Variants in CNTNAP5 observed in about 807,000 individuals in gnomAD.
CNTNAP5 encodes contactin associated protein family member 5, also known as contactin-associated protein-like 5.
CNTNAP5 carries 72 observed loss-of-function variants against 150.2 expected under a neutral mutation model. That is an observed-to-expected ratio of 0.48 (90% CI 0.40 to 0.58). The LOEUF (loss-of-function observed/expected upper bound fraction) is 0.58. CNTNAP5 is among the 20% of genes least tolerant of loss of function. The probability of loss-of-function intolerance (pLI) is 0.00; values close to 1 mark genes in which losing one functional copy is unlikely to be tolerated. For synonymous variants in CNTNAP5, 672 were observed against 619.8 expected (o/e 1.08, Z -1.25); for missense variants, 1,636 against 1,626.2 (o/e 1.01, Z -0.10).
intron 21 of CNTNAP5, among the ~76,000 whole-genome samples, chr2:124,878,044 C>T (rs1677895796): frequency 6.6e-6 from 1 of 152,018 alleles, no homozygotes; most frequent in Non-Finnish European, 1.5e-5. Context: ...GTCTGGATTC[C>T]AAGCTCCTAA....
At chr2:124,621,347 C>T (rs573327072) in intron 12 of CNTNAP5, among the ~76,000 whole-genome samples, 14 of 152,284 alleles carry the variant, frequency 9.2e-5, no homozygotes, top group South Asian at 4.1e-4. Flanking sequence ...AAGGAATTTG[C>T]AAGGAACATT....
chr2:124,055,904 C>G (rs974649555), intron 1 of CNTNAP5, among the ~76,000 whole-genome samples: 3 of 151,946 alleles, frequency 2.0e-5, no homozygotes, highest in Non-Finnish European at 4.4e-5. Flanking sequence ...TCAATTCCCT[C>G]TCCCGCACCA....
At chr2:124,256,719 A>G (rs1256500372) in intron 3 of CNTNAP5, among the ~76,000 whole-genome samples, 4 of 152,196 alleles carry the variant, frequency 2.6e-5, no homozygotes, top group Non-Finnish European at 4.4e-5. Flanking sequence ...TCAGAAGAAC[A>G]AAGTCACTCT....
chr2:124,777,995 GA>G (rs1681363334), intron 17 of CNTNAP5, among the ~76,000 whole-genome samples: 1 of 152,062 alleles, frequency 6.6e-6, no homozygotes, highest in Non-Finnish European at 1.5e-5. Flanking sequence ...AGTAAAGAAA[GA>G]AATCATTAGA....
chr2:124,385,598 A>G (rs1349722753), intron 3 of CNTNAP5, among the ~76,000 whole-genome samples: 2 of 152,224 alleles, frequency 1.3e-5, no homozygotes, highest in African/African-American at 4.8e-5. Flanking sequence ...CTGCATAAGT[A>G]GGCACAGAAA....
chr2:124,238,738 AC>A, intron 2 of CNTNAP5, among the ~76,000 whole-genome samples: 1 of 152,282 alleles, frequency 6.6e-6, no homozygotes, highest in Middle Eastern at 3.4e-3. Flanking sequence ...TGTATGTTAT[AC>A]CCCCAATTTA....
chr2:124,614,993 AAAAAC>A (rs1246415435), intron 12 of CNTNAP5, among the ~76,000 whole-genome samples: 8 of 112,990 alleles, frequency 7.1e-5, no homozygotes, highest in Non-Finnish European at 1.2e-4. Context: ...CAAAAAAAAA[AAAAAC>A]CAAAGTCTAT....
chr2:124,211,230 T>C (rs1326258737), intron 1 of CNTNAP5, among the ~76,000 whole-genome samples: 1 of 152,196 alleles, frequency 6.6e-6, no homozygotes, highest in Non-Finnish European at 1.5e-5. Context: ...ATATCATTTT[T>C]CAAGGACAGT....
chr2:124,561,387 T>A (rs748519732), intron 10 of CNTNAP5, among the ~76,000 whole-genome samples: 4 of 152,048 alleles, frequency 2.6e-5, no homozygotes, highest in Non-Finnish European at 5.9e-5. Flanking sequence ...TTTTGGAACT[T>A]CCCTCCCAGC....
chr2:124,339,554 T>C (rs915289957), intron 3 of CNTNAP5, among the ~76,000 whole-genome samples: 6 of 152,120 alleles, frequency 3.9e-5, no homozygotes, highest in Non-Finnish European at 5.9e-5. Context: ...CAGGAGGAAA[T>C]AGACAATAGA....
chr2:124,311,268 T>G (rs1159319398), intron 3 of CNTNAP5, among the ~76,000 whole-genome samples: 1 of 152,210 alleles, frequency 6.6e-6, no homozygotes, highest in Non-Finnish European at 1.5e-5. Flanking sequence ...ATTTATATTC[T>G]TACAATTCTG....
chr2:124,847,982 T>C (rs952537602), intron 19 of CNTNAP5, among the ~76,000 whole-genome samples: 3 of 152,156 alleles, frequency 2.0e-5, no homozygotes, highest in Admixed American at 6.6e-5. Flanking sequence ...AGTCATATCA[T>C]TGCATTTAAA....
intron 8 of CNTNAP5, among the ~76,000 whole-genome samples, chr2:124,519,897 G>A (rs889875429): frequency 3.3e-5 from 5 of 152,126 alleles, no homozygotes; most frequent in Non-Finnish European, 5.9e-5. Flanking sequence ...TGATGCCCTA[G>A]GCTGAATTCC....
At position 124,181,997 on chromosome 2, in the gene CNTNAP5, C is replaced by T. The variant is rs528284020; in HGVS notation, c.83-39708C>T. On this transcript the variant is annotated intron_variant, in intron 1 of 23. Coordinates refer to ENST00000682447, the MANE Select transcript of CNTNAP5 (RefSeq NM_001367498.1). ...TGGGACAGAGGGAATGTCATGATTC[C>T]AAAATGTATTAGACATAAAGTCATC... is the stretch of plus-strand genomic sequence containing the variant. Among the ~76,000 whole-genome samples the T allele has an allele frequency of 1.1e-3, 165 of 152,128 alleles. 4 individuals are homozygous for T. In the South Asian group the frequency reaches 0.034, roughly 31 times the overall value.
At chr2:124,785,058 C>A (rs75037445) in intron 17 of CNTNAP5, among the ~76,000 whole-genome samples, 11,201 of 118,350 alleles carry the variant, frequency 0.095, 537 homozygotes, top group East Asian at 0.18. Context: ...AAAAAAAAAA[C>A]AAAAGAAAAA....
chr2:124,455,844 G>A (rs909175787), intron 6 of CNTNAP5, among the ~76,000 whole-genome samples: 2 of 152,008 alleles, frequency 1.3e-5, no homozygotes, highest in Non-Finnish European at 2.9e-5. Context: ...TGCAGAAAAG[G>A]CATTTGGCAA....
rs1678851459 is a variant in CNTNAP5, at chr2:124,920,479, C to T, written c.*6191C>T. The stretch of plus-strand genomic sequence containing the variant: ...ATCAACCTGTGTAACCTTGTCCTGC[C>T]TTAAATACTGTTGCAAAAAATACCA... On this transcript the variant is annotated 3_prime_UTR_variant, in exon 24 of 24. Coordinates refer to ENST00000682447, the MANE Select transcript of CNTNAP5 (RefSeq NM_001367498.1). Among the ~76,000 whole-genome samples the T allele has an allele frequency of 6.6e-6, 1 of 152,162 alleles. No individual in the cohort carries two copies. The highest frequency in any genetic ancestry group is 2.1e-4 in the South Asian group (1 of 4,818).
chr2:124,066,993 A>T (rs549001814), intron 1 of CNTNAP5, among the ~76,000 whole-genome samples: 2 of 152,294 alleles, frequency 1.3e-5, no homozygotes, highest in South Asian at 4.1e-4. Flanking sequence ...GTACTCTTCA[A>T]GACCACATTG....
intron 7 of CNTNAP5, among the ~76,000 whole-genome samples, chr2:124,476,463 A>T (rs1693643192): frequency 6.6e-6 from 1 of 152,074 alleles, no homozygotes; most frequent in South Asian, 2.1e-4. Flanking sequence ...TGGGAGAGGG[A>T]TGCCCTTCAT....
Sources: gnomAD v4.1 joint callset for allele counts (sites outside exome capture counted in the v4.1 genomes callset) on GRCh38, gnomAD v4.1.1 for gene constraint, MANE v1.5 for transcripts, NCBI Gene and HGNC (gene_info 2026-07-23, HGNC 2026-07-21) for gene names.